Variants in NAALADL2 observed in about 807,000 individuals in gnomAD.
NAALADL2 encodes the protein inactive N-acetylated-alpha-linked acidic dipeptidase-like protein 2.
Under a neutral mutation model 87.2 loss-of-function variants are expected in NAALADL2, and 76 were observed. That is an observed-to-expected ratio of 0.87 (90% CI 0.72 to 1.05). The LOEUF (loss-of-function observed/expected upper bound fraction) is 1.05. Ranked by LOEUF, NAALADL2 falls within the 50% of genes least tolerant of loss-of-function variation. NAALADL2 has a pLI of 0.00. For missense variants in NAALADL2, 1,089 were observed against 945.8 expected (o/e 1.15, Z -1.99); for synonymous variants, 354 against 331.0 (o/e 1.07, Z -0.75).
At chr3:175,384,921 A>G (rs1003781945) in intron 5 of NAALADL2, among the ~76,000 whole-genome samples, 2 of 152,050 alleles carry the variant, frequency 1.3e-5, no homozygotes, top group East Asian at 3.9e-4. Context: ...CACCATGCAG[A>G]AAAAAGTAAA....
intron 9 of NAALADL2, among the ~76,000 whole-genome samples, chr3:175,571,936 T>G (rs1718136574): frequency 6.6e-6 from 1 of 152,178 alleles, no homozygotes. Context: ...TTGAAGGTAA[T>G]GTGCTTCTTC....
intron 3 of NAALADL2, among the ~76,000 whole-genome samples, chr3:174,762,980 T>A (rs1319271956): frequency 6.6e-6 from 1 of 152,166 alleles, no homozygotes; most frequent in African/African-American, 2.4e-5. Context: ...CTTCTTGATG[T>A]AAGTGGGAAG....
chr3:174,459,613 A>C (rs1457675926), intron 1 of NAALADL2: 1 of 152,166 alleles, frequency 6.6e-6, no homozygotes, highest in Non-Finnish European at 1.5e-5. Flanking sequence ...TCACCCTCAA[A>C]ATGGGGATAG....
At chr3:175,495,519 T>C (rs1226460174) in intron 9 of NAALADL2, among the ~76,000 whole-genome samples, 1 of 152,100 alleles carries the variant, frequency 6.6e-6, no homozygotes, top group Admixed American at 6.6e-5. Flanking sequence ...CAATTACTTT[T>C]GCACCAACCT....
chr3:175,290,614 T>G (rs996865900), intron 4 of NAALADL2, among the ~76,000 whole-genome samples: 2 of 152,218 alleles, frequency 1.3e-5, no homozygotes, highest in Non-Finnish European at 2.9e-5. Context: ...AATTATATCT[T>G]AACCCATTTG....
At position 175,320,300 on chromosome 3, in the gene NAALADL2, T is replaced by C. The variant is rs368915337; in HGVS notation, c.940-3875T>C. Among the ~76,000 whole-genome samples the C allele has an allele frequency of 1.6e-4, 24 of 152,374 alleles. No individual in the cohort carries two copies. In the East Asian group the frequency reaches 4.4e-3, roughly 28 times the overall value. On this transcript the variant is annotated intron_variant, in intron 4 of 13. Coordinates refer to ENST00000454872, the MANE Select transcript of NAALADL2 (RefSeq NM_207015.3). ...TATATTGTCAAGTTCTTCTGTTCCATCATACTTATGTATTGTGTGCTTACC... is the reference window on the plus strand; with the variant it reads ...TATATTGTCAAGTTCTTCTGTTCCACCATACTTATGTATTGTGTGCTTACC...
chr3:175,106,489 C>A (rs146313539), intron 2 of NAALADL2, among the ~76,000 whole-genome samples: 1 of 152,118 alleles, frequency 6.6e-6, no homozygotes, highest in East Asian at 1.9e-4. Flanking sequence ...ACTTCTTGAT[C>A]TTATTCGTTC....
At chr3:175,154,777 ATAAAT>A (rs1282094308) in intron 2 of NAALADL2, among the ~76,000 whole-genome samples, 9 of 152,188 alleles carry the variant, frequency 5.9e-5, no homozygotes, top group African/African-American at 1.4e-4. Flanking sequence ...AAGAATATAG[ATAAAT>A]TAAACAAAAT....
intron 2 of NAALADL2, among the ~76,000 whole-genome samples, chr3:174,730,158 G>A (rs1030147654): frequency 4.6e-5 from 7 of 152,040 alleles, no homozygotes; most frequent in African/African-American, 1.7e-4. Context: ...GTCCTTCTAA[G>A]TAGGGATTAT....
chr3:175,753,150 C>A (rs2150128122), intron 12 of NAALADL2, among the ~76,000 whole-genome samples: 1 of 152,148 alleles, frequency 6.6e-6, no homozygotes, highest in East Asian at 1.9e-4. Flanking sequence ...ATGCCAAAAC[C>A]TTGTGAACTC....
intron 2 of NAALADL2, among the ~76,000 whole-genome samples, chr3:174,659,844 T>C (rs958188980): frequency 1.3e-5 from 2 of 151,950 alleles, no homozygotes; most frequent in African/African-American, 4.8e-5. Context: ...TCCCACCCTC[T>C]AAGACCCAGA....
intron 1 of NAALADL2, among the ~76,000 whole-genome samples, chr3:175,027,931 G>A (rs371033794): frequency 6.6e-5 from 10 of 151,752 alleles, no homozygotes; most frequent in South Asian, 2.1e-4. Flanking sequence ...CTTGTATCTC[G>A]GTGGAACTGA....
At chr3:175,638,098 G>A (rs1226560981) in intron 11 of NAALADL2, among the ~76,000 whole-genome samples, 1 of 152,130 alleles carries the variant, frequency 6.6e-6, no homozygotes, top group East Asian at 1.9e-4. Flanking sequence ...ATAGATGAAT[G>A]AACAAAGCAT....
chr3:175,211,199 A>G (rs535925782), intron 2 of NAALADL2, among the ~76,000 whole-genome samples: 2 of 152,018 alleles, frequency 1.3e-5, no homozygotes, highest in African/African-American at 4.8e-5. Context: ...TTTTAATTTA[A>G]TCTATTGAAA....
chr3:174,470,344 G>T (rs1311206972), intron 1 of NAALADL2, among the ~76,000 whole-genome samples: 1 of 151,992 alleles, frequency 6.6e-6, no homozygotes, highest in Admixed American at 6.6e-5. Context: ...TTTTAATGGG[G>T]TTATTTGGTT....
chr3:174,933,347 G>A (rs1353518893), intron 1 of NAALADL2, among the ~76,000 whole-genome samples: 2 of 152,016 alleles, frequency 1.3e-5, no homozygotes, highest in African/African-American at 4.8e-5. Context: ...CTTCTACTTC[G>A]AGCTACTCTG....
intron 10 of NAALADL2, among the ~76,000 whole-genome samples, chr3:175,610,356 G>GTT (rs1001787477): frequency 6.6e-6 from 1 of 150,916 alleles, no homozygotes; most frequent in Non-Finnish European, 1.5e-5. Context: ...CAATGACTGT[G>GTT]TTTTTTTTTA....
At chr3:175,749,293 A>G (rs891858954) in intron 12 of NAALADL2, among the ~76,000 whole-genome samples, 2 of 151,756 alleles carry the variant, frequency 1.3e-5, no homozygotes, top group Admixed American at 1.3e-4. Context: ...GAGATTGGGG[A>G]ACAAAGTTAA....
intron 1 of NAALADL2, among the ~76,000 whole-genome samples, chr3:175,096,166 A>C (rs1346436907): frequency 6.6e-6 from 1 of 151,940 alleles, no homozygotes; most frequent in Non-Finnish European, 1.5e-5. Flanking sequence ...CATACTCTTA[A>C]AGTTGTGTAA....
Sources: allele counts gnomAD v4.1 joint callset (sites outside exome capture counted in the v4.1 genomes callset), GRCh38; gene constraint gnomAD v4.1.1; transcripts MANE v1.5; gene names NCBI Gene and HGNC (gene_info 2026-07-23, HGNC 2026-07-21).